The following SRGAP3 variants were observed in gnomAD, a reference collection of about 807,000 sequenced individuals.
SRGAP3 encodes the protein SLIT-ROBO Rho GTPase-activating protein 3.
A neutral mutation model predicts 121.1 loss-of-function variants in SRGAP3; 39 were observed. The observed-to-expected ratio is 0.32, with a 90% CI of 0.25 to 0.42. The LOEUF is 0.42. SRGAP3 is among the 10% of genes least tolerant of loss of function. SRGAP3 has a pLI of 1.00. For synonymous variants in SRGAP3, 601 were observed against 570.0 expected, an observed-to-expected ratio of 1.05 and a Z score of -0.77; for missense variants, 1,213 against 1,470.6, an observed-to-expected ratio of 0.82 and a Z score of 2.86.
intron 1 of SRGAP3, chr3:9,193,905 G>T (rs1396935979): frequency 1.3e-5 from 2 of 152,294 alleles, no homozygotes; most frequent in East Asian, 3.9e-4. Flanking sequence ...AGCCGCCCTC[G>T]GAGGCAACAC....
At chr3:9,132,502 G>T (rs1949493003) in intron 1 of SRGAP3, among the ~76,000 whole-genome samples, 1 of 152,118 alleles carries the variant, frequency 6.6e-6, no homozygotes, top group African/African-American at 2.4e-5. Flanking sequence ...TATACAGCTG[G>T]AATCATAAAG....
chr3:9,197,250 T>C (rs1455675908), intron 1 of SRGAP3, among the ~76,000 whole-genome samples: 1 of 152,252 alleles, frequency 6.6e-6, no homozygotes, highest in Non-Finnish European at 1.5e-5. Context: ...GGCATTTTCA[T>C]GCCAGCCTCT....
Position 9,013,363 on chromosome 3 carries a change from G to A in SRGAP3, c.2092C>T (p.Arg698Trp), listed in dbSNP as rs1251624697. The A allele has an allele frequency of 3.7e-6, 6 of 1,613,884 alleles. No individual in the cohort carries two copies. The highest frequency in any genetic ancestry group is 1.3e-5 in the African/African-American group (1 of 74,860). ...TCATACACAGGTCCCTCTAGCTCCCGGGGGCTGGGGAAGATGGCTTCATGA... is the reference window on the plus strand; with the variant it reads ...TCATACACAGGTCCCTCTAGCTCCCAGGGGCTGGGGAAGATGGCTTCATGA... ...IHHEAIFPSP[R>W]ELEGPVYEKC... The change falls in exon 17 of 22, where the codon CGG becomes TGG. Residue 698 changes from arginine to tryptophan, a missense_variant. Arg to Trp is a moderately radical substitution (Grantham distance 101, BLOSUM62 -3). Coordinates refer to ENST00000383836, the MANE Select transcript of SRGAP3 (RefSeq NM_014850.4).
chr3:9,186,053 C>A (rs943535928), intron 1 of SRGAP3, among the ~76,000 whole-genome samples: 1 of 152,120 alleles, frequency 6.6e-6, no homozygotes, highest in Non-Finnish European at 1.5e-5. Context: ...ATTCTCCAAC[C>A]GTGTCACCCC....
intron 1 of SRGAP3, among the ~76,000 whole-genome samples, chr3:9,148,746 T>C (rs1325083741): frequency 1.3e-5 from 2 of 152,140 alleles, no homozygotes; most frequent in Non-Finnish European, 2.9e-5. Context: ...CACTACCCCA[T>C]GCTCCTCCCC....
intron 2 of SRGAP3, among the ~76,000 whole-genome samples, chr3:9,329,938 C>T (rs543884233): frequency 2.0e-5 from 3 of 152,284 alleles, no homozygotes; most frequent in East Asian, 3.9e-4. Context: ...GGGACTTTAC[C>T]AAGAGCCCTC....
At chr3:9,050,500 T>C (rs753167908) in intron 9 of SRGAP3, among the ~76,000 whole-genome samples, 7 of 152,332 alleles carry the variant, frequency 4.6e-5, no homozygotes, top group African/African-American at 1.2e-4. Context: ...TGCCATCAAA[T>C]TGCATTGATG....
intron 1 of SRGAP3, among the ~76,000 whole-genome samples, chr3:9,155,270 G>C (rs1041817266): frequency 6.6e-6 from 1 of 152,156 alleles, no homozygotes; most frequent in African/African-American, 2.4e-5. Context: ...GGGAATGTCA[G>C]GCTAGCCGTT....
intron 12 of SRGAP3, among the ~76,000 whole-genome samples, chr3:9,030,882 A>ATCTTTCTT (rs1206682937): frequency 6.6e-6 from 1 of 151,830 alleles, no homozygotes; most frequent in Non-Finnish European, 1.5e-5. Flanking sequence ...CTGTATTCCC[A>ATCTTTCTT]TCTTTCTCTC....
chr3:9,035,902 C>T (rs374210), intron 11 of SRGAP3: 152,812 of 152,812 alleles, frequency 1, 76,406 homozygotes, highest in Non-Finnish European at 1. Flanking sequence ...CTGTGTACTG[C>T]GTTGCATCTG....
At chr3:9,316,326 G>A (rs2125280400) in intron 3 of SRGAP3, among the ~76,000 whole-genome samples, 1 of 150,928 alleles carries the variant, frequency 6.6e-6, no homozygotes. Context: ...TGGGATTACA[G>A]GTGTGAGCCA....
In SRGAP3 at chr3:9,047,424, T is replaced by A; in HGVS notation, c.1375A>T (p.Lys459Ter). Residue 459 changes from lysine (K) to a stop codon, truncating the protein, a stop_gained, in exon 10 of 22, where the codon AAG becomes TAG. Coordinates refer to ENST00000383836, the MANE Select transcript of SRGAP3 (RefSeq NM_014850.4). LOFTEE classifies it high-confidence loss of function. The stretch of plus-strand genomic sequence containing the variant: ...AGGGTCTGCTTGAGTAAATCGTGCT[T>A]GGCCTGCAGCTTGGTGATGAGGTTA... Reference protein sequence around the residue: ...GSNLITKLQAKHDLLKQTLGE... With the variant: ...GSNLITKLQA 1 of 1,614,196 alleles carries A rather than the reference T, an allele frequency of 6.2e-7. No individual in the cohort carries two copies. Among genetic ancestry groups the A allele is most frequent in the Non-Finnish European group, 8.5e-7 (1 of 1,180,046 alleles).
At chr3:9,331,239 T>C (rs1375768685) in intron 1 of SRGAP3, among the ~76,000 whole-genome samples, 3 of 152,236 alleles carry the variant, frequency 2.0e-5, no homozygotes, top group Non-Finnish European at 4.4e-5. Context: ...TTCATTTGAA[T>C]ACCTACCACG....
chr3:9,247,195 TC>T lies in SRGAP3; in HGVS notation c.67+1689del, dbSNP rs142449787. Among the ~76,000 whole-genome samples, 799 of 152,250 alleles carry T rather than the reference TC, an allele frequency of 5.2e-3. 11 individuals are homozygous for T. The highest frequency in any genetic ancestry group is 0.018 in the African/African-American group (749 of 41,536). ...CAAATTCATTTTATAAAACATAAAC[TC>T]CCTAAAAAGAGTCTATTCAAAGATT... On this transcript the variant is annotated intron_variant, in intron 1 of 21. Transcript: ENST00000383836.
chr3:9,135,782 C>T (rs1485747206), intron 1 of SRGAP3, among the ~76,000 whole-genome samples: 1 of 152,230 alleles, frequency 6.6e-6, no homozygotes, highest in Non-Finnish European at 1.5e-5. Flanking sequence ...AGGGCATGCA[C>T]TCACAAGCTC....
intron 3 of SRGAP3, among the ~76,000 whole-genome samples, chr3:9,286,136 A>ACG (rs1473499990): frequency 6.6e-6 from 1 of 151,084 alleles, no homozygotes; most frequent in Admixed American, 6.6e-5. Context: ...ACACACACAC[A>ACG]CACACACACA....
chr3:9,038,863 C>T (rs1333141710), intron 10 of SRGAP3, among the ~76,000 whole-genome samples: 1 of 152,192 alleles, frequency 6.6e-6, no homozygotes, highest in Non-Finnish European at 1.5e-5. Context: ...TTTCCAACAG[C>T]ATATCAACAT....
chr3:9,278,874 G>C (rs1482898735), intron 3 of SRGAP3, among the ~76,000 whole-genome samples: 1 of 152,212 alleles, frequency 6.6e-6, no homozygotes, highest in Non-Finnish European at 1.5e-5. Flanking sequence ...ACAATGTCAA[G>C]TCACAGGCTG....
At chr3:9,067,196 C>A (rs1273210074) in intron 4 of SRGAP3, among the ~76,000 whole-genome samples, 1 of 152,076 alleles carries the variant, frequency 6.6e-6, no homozygotes, top group Non-Finnish European at 1.5e-5. Context: ...GGTTTAAGAA[C>A]CTGAAACATG....
Sources: gnomAD v4.1 joint callset for allele counts (sites outside exome capture counted in the v4.1 genomes callset) on GRCh38, gnomAD v4.1.1 for gene constraint, MANE v1.5 for transcripts, NCBI Gene and HGNC (gene_info 2026-07-23, HGNC 2026-07-21) for gene names.